The following RAP2A variants were observed in gnomAD, a reference collection of about 807,000 sequenced individuals.
RAP2A encodes the protein RAP2A, member of RAS oncogene family, also known as ras-related protein Rap-2a.
In RAP2A, 5 loss-of-function variants were observed where a neutral mutation model predicts 15.1. The ratio of observed to expected loss-of-function variants is 0.33; its 90% CI spans 0.17 to 0.70. RAP2A has a LOEUF of 0.70. Ranked by LOEUF, RAP2A falls within the 30% of genes least tolerant of loss-of-function variation. The pLI is 0.68. For synonymous variants in RAP2A, 110 were observed against 99.7 expected, an observed-to-expected ratio of 1.10 and a Z score of -0.62; for missense variants, 111 against 240.3, an observed-to-expected ratio of 0.46 and a Z score of 3.56.
intron 1 of RAP2A, among the ~76,000 whole-genome samples, chr13:97,453,891 A>G (rs1467825347): frequency 6.6e-6 from 1 of 151,150 alleles, no homozygotes; most frequent in Non-Finnish European, 1.5e-5. Flanking sequence ...CATTATGATA[A>G]ATGGCAAATG....
At chr13:97,450,015 A>G (rs1004171871) in intron 1 of RAP2A, among the ~76,000 whole-genome samples, 1 of 152,002 alleles carries the variant, frequency 6.6e-6, no homozygotes, top group Admixed American at 6.6e-5. Context: ...AGTGATTTAG[A>G]AATGATAAAT....
At chr13:97,435,082 G>T in intron 1 of RAP2A, among the ~76,000 whole-genome samples, 1 of 152,176 alleles carries the variant, frequency 6.6e-6, no homozygotes, top group East Asian at 1.9e-4. Flanking sequence ...GGGGGAAAGG[G>T]GTGGATAGAT....
At position 97,468,155 on chromosome 13, in the gene RAP2A, A is replaced by C. The variant is rs1477755473; in HGVS notation, c.*3713A>C. 2.0e-5 allele frequency: 3 copies of C among 152,224 alleles called. No individual in the cohort carries two copies. Among genetic ancestry groups the C allele is most frequent in the Non-Finnish European group, 4.4e-5 (3 of 68,040 alleles). The allele number at this position is 152,224 out of a possible 1,614,324, so 9.4% of individuals were successfully genotyped here. ...AGGCAGGTAGGTAGATAATTTTCAT[A>C]GTCTTTAAAAATAAAAATAACATGT... On this transcript the variant is annotated 3_prime_UTR_variant, in exon 2 of 2. Coordinates refer to ENST00000245304, the MANE Select transcript of RAP2A (RefSeq NM_021033.7).
In RAP2A at chr13:97,468,687, G is replaced by A. The variant is rs1253632540; in HGVS notation, c.*4245G>A. On this transcript the variant is annotated 3_prime_UTR_variant, in exon 2 of 2. Coordinates refer to ENST00000245304, the MANE Select transcript of RAP2A (RefSeq NM_021033.7). ...GTAGATAGAATCCCAGATATTTAAAGGAAAACATGCCTATATTTTAGGAAT... is the reference window on the plus strand; with the variant it reads ...GTAGATAGAATCCCAGATATTTAAAAGAAAACATGCCTATATTTTAGGAAT... The A allele has an allele frequency of 4.6e-5, 7 of 152,088 alleles. No individual in the cohort carries two copies. In the East Asian group the frequency reaches 1.3e-3, roughly 29 times the overall value. 9.4% of individuals were successfully genotyped at this position (152,088 alleles called of 1,614,324 possible).
In RAP2A at chr13:97,468,016, A is replaced by G. The variant is rs1451999830; in HGVS notation, c.*3574A>G. The G allele has an allele frequency of 1.3e-5, 2 of 152,230 alleles. No individual in the cohort carries two copies. Among genetic ancestry groups the G allele is most frequent in the African/African-American group, 4.8e-5 (2 of 41,466 alleles). The allele number at this position is 152,230 out of a possible 1,614,324, so 9.4% of individuals were successfully genotyped here. A position where few individuals can be genotyped will look rare whatever the true frequency, so the allele number is the denominator to read the frequency against. Reference sequence around the variant, plus strand: ...ACTCTGGATTTGCTTTGTTTTGTACATGCTCATGAGAGAAATGTATTATAT... The same window carrying G: ...ACTCTGGATTTGCTTTGTTTTGTACGTGCTCATGAGAGAAATGTATTATAT... On this transcript the variant is annotated 3_prime_UTR_variant, in exon 2 of 2. Transcript: ENST00000245304.
chr13:97,449,092 C>A (rs2066691558), intron 1 of RAP2A, among the ~76,000 whole-genome samples: 1 of 151,938 alleles, frequency 6.6e-6, no homozygotes, highest in African/African-American at 2.4e-5. Context: ...CCGCATTCCA[C>A]ACAGGCTGTA....
In RAP2A at chr13:97,468,700, A is replaced by G. The variant is rs781592552; in HGVS notation, c.*4258A>G. 2.6e-5 allele frequency: 4 copies of G among 152,234 alleles called. No homozygotes were observed. Among genetic ancestry groups the G allele is most frequent in the Non-Finnish European group, 5.9e-5 (4 of 68,048 alleles). 9.4% of individuals were successfully genotyped at this position (152,234 alleles called of 1,614,324 possible). A position where few individuals can be genotyped will look rare whatever the true frequency, so the allele number is the denominator to read the frequency against. ...CAGATATTTAAAGGAAAACATGCCT[A>G]TATTTTAGGAATATCTTCTGAAGAA... is the stretch of plus-strand genomic sequence containing the variant. On this transcript the variant is annotated 3_prime_UTR_variant, in exon 2 of 2. Transcript: ENST00000245304.
intron 1 of RAP2A, among the ~76,000 whole-genome samples, chr13:97,446,888 C>A (rs1283625049): frequency 2.6e-5 from 4 of 152,182 alleles, no homozygotes; most frequent in African/African-American, 4.8e-5. Flanking sequence ...CTGAGTTCTG[C>A]CCAAATTGTT....
At chr13:97,457,510 A>G (rs566565387) in intron 1 of RAP2A, among the ~76,000 whole-genome samples, 2 of 152,202 alleles carry the variant, frequency 1.3e-5, no homozygotes, top group Admixed American at 1.3e-4. Flanking sequence ...GCTACTAAAT[A>G]TAATACATCT....
At chr13:97,453,588 T>G (rs1447807375) in intron 1 of RAP2A, among the ~76,000 whole-genome samples, 4 of 151,350 alleles carry the variant, frequency 2.6e-5, no homozygotes, top group Non-Finnish European at 4.4e-5. Context: ...GTAGTGTATC[T>G]GATATAGATT....
chr13:97,435,748 A>C (rs903476414), intron 1 of RAP2A, among the ~76,000 whole-genome samples: 5 of 152,112 alleles, frequency 3.3e-5, no homozygotes, highest in Non-Finnish European at 7.4e-5. Flanking sequence ...AGTTTTGGCA[A>C]ATTTTTCTAA....
chr13:97,458,325 G>C (rs1264738630), intron 1 of RAP2A, among the ~76,000 whole-genome samples: 1 of 152,130 alleles, frequency 6.6e-6, no homozygotes, highest in Non-Finnish European at 1.5e-5. Context: ...CATGAAGTAT[G>C]ACCTTCTTTA....
intron 1 of RAP2A, among the ~76,000 whole-genome samples, chr13:97,452,634 TCACA>T (rs962337332): frequency 4.4e-5 from 5 of 113,830 alleles, no homozygotes; most frequent in African/African-American, 1.5e-4. Flanking sequence ...CAAGAATCAG[TCACA>T]CACACACACA....
In RAP2A at chr13:97,468,435, GC is replaced by G. The variant is rs2066781914; in HGVS notation, c.*3994del. On this transcript the variant is annotated 3_prime_UTR_variant, in exon 2 of 2. Coordinates refer to ENST00000245304, the MANE Select transcript of RAP2A (RefSeq NM_021033.7). Reference sequence around the variant, plus strand: ...AGGTTGCCGCCAGGCTGTAGGGCCTGCTTGTTCTATATGGGGCCCTATGAAA... The same window carrying G: ...AGGTTGCCGCCAGGCTGTAGGGCCTGTTGTTCTATATGGGGCCCTATGAAA... 1 of 152,218 alleles carries G rather than the reference GC, an allele frequency of 6.6e-6. No homozygotes were observed. Among genetic ancestry groups the G allele is most frequent in the Non-Finnish European group, 1.5e-5 (1 of 68,040 alleles). The allele number at this position is 152,218 out of a possible 1,614,324, so 9.4% of individuals were successfully genotyped here.
Position 97,468,470 on chromosome 13 carries a change from A to T in RAP2A, c.*4028A>T, listed in dbSNP as rs548391460. 6.6e-6 allele frequency: 1 copy of T among 152,340 alleles called. No homozygotes were observed. Among genetic ancestry groups the T allele is most frequent in the East Asian group, 1.9e-4 (1 of 5,186 alleles). 9.4% of individuals were successfully genotyped at this position (152,340 alleles called of 1,614,324 possible). A position where few individuals can be genotyped will look rare whatever the true frequency, so the allele number is the denominator to read the frequency against. ...TATGGGGCCCTATGAAAGTTGACAG[A>T]TGCTGTTAATTGTATACAGCCTTCA... On this transcript the variant is annotated 3_prime_UTR_variant, in exon 2 of 2. Transcript: ENST00000245304.
chr13:97,464,540 A>C lies in RAP2A; in HGVS notation c.*98A>C, dbSNP rs2066762182. The C allele has an allele frequency of 1.8e-6, 2 of 1,110,690 alleles. No individual in the cohort carries two copies. Among genetic ancestry groups the C allele is most frequent in the Admixed American group, 3.6e-5 (2 of 56,034 alleles). 68.8% of individuals were successfully genotyped at this position (1,110,690 alleles called of 1,614,324 possible). The stretch of plus-strand genomic sequence containing the variant: ...CAGAACTTGCAGAATGCGTGGTGTT[A>C]ATCTACAGAGAACTGCAGCCCTTAT... On this transcript the variant is annotated 3_prime_UTR_variant, in exon 2 of 2. Coordinates refer to ENST00000245304, the MANE Select transcript of RAP2A (RefSeq NM_021033.7).
At chr13:97,441,953 A>C (rs2066659714) in intron 1 of RAP2A, 1 of 215,444 alleles carries the variant, frequency 4.6e-6, no homozygotes, top group Non-Finnish European at 9.5e-6. Flanking sequence ...GAAATATGCC[A>C]TATATTATAT....
intron 1 of RAP2A, among the ~76,000 whole-genome samples, chr13:97,450,622 C>G (rs908304367): frequency 6.6e-6 from 1 of 151,736 alleles, no homozygotes; most frequent in African/African-American, 2.4e-5. Context: ...TGACCACTTT[C>G]GTCCACCTTA....
intron 1 of RAP2A, among the ~76,000 whole-genome samples, chr13:97,448,377 T>G (rs2066688319): frequency 6.6e-6 from 1 of 152,218 alleles, no homozygotes; most frequent in African/African-American, 2.4e-5. Context: ...CTGTAGTATT[T>G]TACAATATCC....
Sources: allele counts gnomAD v4.1 joint callset (sites outside exome capture counted in the v4.1 genomes callset), GRCh38; gene constraint gnomAD v4.1.1; transcripts MANE v1.5; gene names NCBI Gene and HGNC (gene_info 2026-07-23, HGNC 2026-07-21).